PDE10A: variants seen among roughly 807,000 people sequenced by gnomAD.
PDE10A encodes cAMP and cAMP-inhibited cGMP 3',5'-cyclic phosphodiesterase 10A.
Under a neutral mutation model 97.7 loss-of-function variants are expected in PDE10A, and 39 were observed. The observed-to-expected ratio is 0.40, with a 90% CI of 0.31 to 0.52. The LOEUF (loss-of-function observed/expected upper bound fraction) is 0.52. Among genes scored for constraint, PDE10A ranks in the 20% least tolerant of loss-of-function variants. PDE10A has a pLI of 0.56. For synonymous variants in PDE10A, 371 were observed against 376.8 expected, an observed-to-expected ratio of 0.98 and a Z score of 0.18; for missense variants, 731 against 1,047.8, an observed-to-expected ratio of 0.70 and a Z score of 4.17.
At chr6:165,610,445 A>G (rs113719875) in intron 1 of PDE10A, among the ~76,000 whole-genome samples, 6 of 151,282 alleles carry the variant, frequency 4.0e-5, no homozygotes, top group African/African-American at 7.3e-5. Context: ...GCAGGAGAAT[A>G]GCGTGAACCC....
At chr6:165,970,945 G>A (rs1458272034) in intron 1 of PDE10A, among the ~76,000 whole-genome samples, 1 of 152,132 alleles carries the variant, frequency 6.6e-6, no homozygotes, top group Non-Finnish European at 1.5e-5. Context: ...TCAGGAATTC[G>A]AGACCCAGCC....
chr6:165,336,621 C>T (rs1271348526), intron 20 of PDE10A, among the ~76,000 whole-genome samples: 10 of 151,954 alleles, frequency 6.6e-5, no homozygotes, highest in Non-Finnish European at 1.5e-4. Flanking sequence ...CGGTGGCAGG[C>T]GCCTGTAGTC....
At chr6:165,733,630 T>C (rs1270469724) in intron 1 of PDE10A, among the ~76,000 whole-genome samples, 1 of 152,206 alleles carries the variant, frequency 6.6e-6, no homozygotes, top group Admixed American at 6.5e-5. Context: ...ATAAATCATG[T>C]CAAAGATGTA....
At chr6:165,398,182 C>G (rs1395984554) in intron 13 of PDE10A, among the ~76,000 whole-genome samples, 1 of 152,028 alleles carries the variant, frequency 6.6e-6, no homozygotes, top group Non-Finnish European at 1.5e-5. Flanking sequence ...GAAACATATT[C>G]CTTAAGAAGT....
At chr6:165,413,817 A>G in intron 12 of PDE10A, 130 bp from the exon 13 acceptor site, 1 of 637,816 alleles carries the variant, frequency 1.6e-6, no homozygotes. Flanking sequence ...GACTAATGGC[A>G]CTTTTAGCTT....
At chr6:165,846,620 A>C (rs977274986) in intron 1 of PDE10A, among the ~76,000 whole-genome samples, 73 of 152,262 alleles carry the variant, frequency 4.8e-4, no homozygotes, top group Admixed American at 4.8e-3. Flanking sequence ...CAATTCAAAA[A>C]GGAAGGCCAG....
At chr6:165,877,715 A>C (rs1781380574) in intron 1 of PDE10A, among the ~76,000 whole-genome samples, 1 of 151,950 alleles carries the variant, frequency 6.6e-6, no homozygotes, top group South Asian at 2.1e-4. Context: ...AAACCTGCCT[A>C]CTCTACCTCT....
At chr6:165,573,110 C>A (rs1263396626) in intron 1 of PDE10A, among the ~76,000 whole-genome samples, 1 of 152,072 alleles carries the variant, frequency 6.6e-6, no homozygotes, top group African/African-American at 2.4e-5. Context: ...TTGGTCTGCC[C>A]TTTTCAACAA....
intron 1 of PDE10A, among the ~76,000 whole-genome samples, chr6:165,751,868 G>T (rs577175374): frequency 6.6e-6 from 1 of 152,090 alleles, no homozygotes; most frequent in South Asian, 2.1e-4. Flanking sequence ...GGCCAGGCAC[G>T]GTGGCTCATG....
chr6:165,752,056 T>C (rs1349772205), intron 1 of PDE10A, among the ~76,000 whole-genome samples: 1 of 135,668 alleles, frequency 7.4e-6, no homozygotes, highest in Non-Finnish European at 1.5e-5. Context: ...GGCAGGAGAA[T>C]GATGTGAACC....
intron 1 of PDE10A, among the ~76,000 whole-genome samples, chr6:165,961,048 G>A (rs1784344504): frequency 6.6e-6 from 1 of 151,590 alleles, no homozygotes; most frequent in Non-Finnish European, 1.5e-5. Context: ...TCTGGGCCAG[G>A]AGCATAGGGT....
intron 1 of PDE10A, among the ~76,000 whole-genome samples, chr6:165,866,824 GA>G (rs1781068606): frequency 6.6e-6 from 1 of 150,754 alleles, no homozygotes; most frequent in Admixed American, 6.6e-5. Context: ...TGCCACCCAA[GA>G]ATGCTATACC....
intron 2 of PDE10A, among the ~76,000 whole-genome samples, chr6:165,542,732 C>A (rs887013839): frequency 6.6e-6 from 1 of 150,494 alleles, no homozygotes; most frequent in Non-Finnish European, 1.5e-5. Flanking sequence ...CATTCTCCTG[C>A]CTCAGCCTCC....
Position 165,691,074 on chromosome 6 carries a change from T to TC in PDE10A, c.-614-147507_-614-147506insG, listed in dbSNP as rs1491127864. Among the ~76,000 whole-genome samples the TC allele has an allele frequency of 5.3e-3, 386 of 72,310 alleles. 13 individuals carry two copies. The highest frequency in any genetic ancestry group is 0.027 in the African/African-American group (239 of 8,826). The allele number at this position is 72,310 out of a possible 152,430, so 47.4% of individuals were successfully genotyped here. On this transcript the variant is annotated intron_variant, in intron 1 of 19. Transcript: ENST00000366882. ...TCCTTACAGTAATACTCTCTCTCTC[T>TC]TTCTCTCTCTCTCTCTCTCTCTCTT...
chr6:165,808,326 T>A (rs1029211907), intron 1 of PDE10A, among the ~76,000 whole-genome samples: 1 of 152,218 alleles, frequency 6.6e-6, no homozygotes, highest in Non-Finnish European at 1.5e-5. Context: ...CACATCCATC[T>A]GCTGAACTGG....
intron 1 of PDE10A, among the ~76,000 whole-genome samples, chr6:165,574,150 G>T (rs993867258): frequency 6.6e-6 from 1 of 152,046 alleles, no homozygotes; most frequent in Non-Finnish European, 1.5e-5. Flanking sequence ...AAGAGAAAGT[G>T]AGTCTTTTAA....
chr6:165,877,282 C>T (rs1430925776), intron 1 of PDE10A, among the ~76,000 whole-genome samples: 1 of 152,126 alleles, frequency 6.6e-6, no homozygotes, highest in African/African-American at 2.4e-5. Context: ...TTGATGCATT[C>T]GGACACCATA....
chr6:165,973,555 C>T (rs917381936), intron 1 of PDE10A, among the ~76,000 whole-genome samples: 2 of 135,782 alleles, frequency 1.5e-5, no homozygotes, highest in East Asian at 2.1e-4. Flanking sequence ...TTAACAAAAG[C>T]TTAAAATCTT....
chr6:165,844,712 A>G (rs1780359122), intron 1 of PDE10A, among the ~76,000 whole-genome samples: 1 of 152,160 alleles, frequency 6.6e-6, no homozygotes, highest in South Asian at 2.1e-4. Context: ...CCCGATGCTT[A>G]TTTTTACTCT....
Sources: gnomAD v4.1 joint callset for allele counts (sites outside exome capture counted in the v4.1 genomes callset) on GRCh38, gnomAD v4.1.1 for gene constraint, MANE v1.5 for transcripts, NCBI Gene and HGNC (gene_info 2026-07-23, HGNC 2026-07-21) for gene names.